Variants in CHST11 observed in about 807,000 individuals in gnomAD.
CHST11 encodes C4S-1.
A neutral mutation model predicts 30.4 loss-of-function variants in CHST11; 9 were observed. The ratio of observed to expected loss-of-function variants is 0.30; its 90% CI spans 0.18 to 0.52. The LOEUF (loss-of-function observed/expected upper bound fraction) is 0.52. CHST11 is among the 20% of genes least tolerant of loss of function. The pLI is 0.97. For missense variants in CHST11, 348 were observed against 460.6 expected, an observed-to-expected ratio of 0.76 and a Z score of 2.24; for synonymous variants, 152 against 187.8, an observed-to-expected ratio of 0.81 and a Z score of 1.56.
intron 1 of CHST11, among the ~76,000 whole-genome samples, chr12:104,592,104 C>T (rs1364824508): frequency 2.0e-5 from 3 of 149,502 alleles, no homozygotes; most frequent in East Asian, 2.0e-4. Flanking sequence ...CCCCTCCCCT[C>T]TTCTCCCCTC....
intron 1 of CHST11, among the ~76,000 whole-genome samples, chr12:104,601,141 C>T (rs1031210947): frequency 6.6e-5 from 10 of 151,872 alleles, no homozygotes; most frequent in African/African-American, 2.4e-4. Flanking sequence ...CTCCTCCCTC[C>T]AACAAATAAT....
intron 1 of CHST11, among the ~76,000 whole-genome samples, chr12:104,546,018 C>T (rs2136005500): frequency 6.6e-6 from 1 of 152,292 alleles, no homozygotes; most frequent in Non-Finnish European, 1.5e-5. Context: ...CCCTCATTAC[C>T]TAATTACCTC....
intron 1 of CHST11, among the ~76,000 whole-genome samples, chr12:104,516,816 G>A (rs2038028591): frequency 6.6e-6 from 1 of 151,910 alleles, no homozygotes; most frequent in Non-Finnish European, 1.5e-5. Flanking sequence ...CACATTAGGA[G>A]AGCCTAGCAG....
intron 1 of CHST11, among the ~76,000 whole-genome samples, chr12:104,472,107 C>A (rs1215777427): frequency 6.7e-6 from 1 of 149,434 alleles, no homozygotes; most frequent in Admixed American, 6.6e-5. Context: ...CAGGTGTGCA[C>A]CATCACACTT....
intron 2 of CHST11, among the ~76,000 whole-genome samples, chr12:104,712,831 A>C (rs934758736): frequency 3.3e-5 from 5 of 152,140 alleles, no homozygotes; most frequent in African/African-American, 1.2e-4. Flanking sequence ...TTATGGGGTG[A>C]TGCCAGTTTG....
chr12:104,537,482 C>T (rs1825602783), intron 1 of CHST11, among the ~76,000 whole-genome samples: 1 of 152,072 alleles, frequency 6.6e-6, no homozygotes, highest in African/African-American at 2.4e-5. Flanking sequence ...AGTGGAATCA[C>T]AGGCAAGTTA....
chr12:104,546,030 C>T (rs1472524597), intron 1 of CHST11, among the ~76,000 whole-genome samples: 1 of 152,136 alleles, frequency 6.6e-6, no homozygotes, highest in Non-Finnish European at 1.5e-5. Flanking sequence ...AATTACCTCC[C>T]ACAGGCTCCA....
intron 1 of CHST11, among the ~76,000 whole-genome samples, chr12:104,557,293 C>T (rs2038466774): frequency 6.6e-6 from 1 of 152,202 alleles, no homozygotes; most frequent in South Asian, 2.1e-4. Context: ...CACCTGGGAA[C>T]AGGGCTCCTT....
chr12:104,554,678 G>C (rs2136011896), intron 1 of CHST11, among the ~76,000 whole-genome samples: 1 of 152,310 alleles, frequency 6.6e-6, no homozygotes, highest in South Asian at 2.1e-4. Context: ...GAGCAGCTCT[G>C]CTTCGATCTG....
chr12:104,569,213 AC>A (rs2038599131), intron 1 of CHST11, among the ~76,000 whole-genome samples: 1 of 152,034 alleles, frequency 6.6e-6, no homozygotes, highest in Non-Finnish European at 1.5e-5. Context: ...AATTTGACAA[AC>A]CTCTCAACTT....
At position 104,729,217 on chromosome 12, in the gene CHST11, G is replaced by A. The variant is rs2040237835; in HGVS notation, c.205-27732G>A. Among the ~76,000 whole-genome samples the A allele has an allele frequency of 6.6e-6, 1 of 152,110 alleles. No homozygotes were observed. The highest frequency in any genetic ancestry group is 1.5e-5 in the Non-Finnish European group (1 of 68,032). ...TGGCCAGAATGACCAACAGACTAGG[G>A]GAGACTGACCTCCTGCCCCACATAC... is the stretch of plus-strand genomic sequence containing the variant. On this transcript the variant is annotated intron_variant, in intron 2 of 2. Coordinates refer to ENST00000303694, the MANE Select transcript of CHST11 (RefSeq NM_018413.6). The surrounding 1 kb of genome is among the most constrained non-coding windows in gnomAD (Gnocchi z 4.0).
intron 1 of CHST11, among the ~76,000 whole-genome samples, chr12:104,497,410 G>A (rs1231650705): frequency 6.6e-6 from 1 of 152,174 alleles, no homozygotes; most frequent in Non-Finnish European, 1.5e-5. Context: ...GGCCCCAGGA[G>A]AAACCAACCC....
At chr12:104,463,907 G>C (rs1052862579) in intron 1 of CHST11, among the ~76,000 whole-genome samples, 1 of 152,106 alleles carries the variant, frequency 6.6e-6, no homozygotes, top group Non-Finnish European at 1.5e-5. Flanking sequence ...ACAGTGGGGA[G>C]AGACAAGTCG....
intron 2 of CHST11, among the ~76,000 whole-genome samples, chr12:104,647,031 C>T (rs2559640): frequency 0.34 from 51,778 of 152,186 alleles, 10,264 homozygotes; most frequent in African/African-American, 0.55. Context: ...TTCTCACATA[C>T]ACTTTTAATG....
chr12:104,468,504 C>G (rs902134052), intron 1 of CHST11, among the ~76,000 whole-genome samples: 2 of 152,160 alleles, frequency 1.3e-5, no homozygotes, highest in Admixed American at 6.5e-5. Context: ...CTCTGAACAT[C>G]TGGGAGGGCT....
Position 104,457,498 on chromosome 12 carries a change from C to A in CHST11, c.87C>A (p.Val29=). ...LATCLGSFIL[V]IFYFQSMLHP... is the part of the protein sequence containing the mutation. ...CTTGCTTGGGATCCTTTATCCTGGTCATCTTCTATTTCCAAAGTATGTTGC... is the reference window on the plus strand; with the variant it reads ...CTTGCTTGGGATCCTTTATCCTGGTAATCTTCTATTTCCAAAGTATGTTGC... The change falls in exon 1 of 3, where the codon GTC becomes GTA. Residue 29 remains valine, a synonymous_variant. Transcript: ENST00000303694. The A allele has an allele frequency of 6.2e-7, 1 of 1,613,866 alleles. No homozygotes were observed. The highest frequency in any genetic ancestry group is 1.3e-5 in the African/African-American group (1 of 75,070).
chr12:104,742,291 C>A (rs2040353439), intron 2 of CHST11, among the ~76,000 whole-genome samples: 1 of 152,084 alleles, frequency 6.6e-6, no homozygotes, highest in Non-Finnish European at 1.5e-5. Context: ...AGGAGGAGAT[C>A]CTGAAGGGAG....
intron 1 of CHST11, among the ~76,000 whole-genome samples, chr12:104,582,586 T>A (rs1301826929): frequency 6.6e-6 from 1 of 152,184 alleles, no homozygotes. Context: ...CTGCACGCCC[T>A]TCTCATGGGG....
At chr12:104,565,376 C>T (rs2136019479) in intron 1 of CHST11, among the ~76,000 whole-genome samples, 1 of 149,906 alleles carries the variant, frequency 6.7e-6, no homozygotes, top group South Asian at 2.1e-4. Context: ...AAGCGATTCT[C>T]CTGCCTCAGC....
Sources: gnomAD v4.1 joint callset for allele counts (sites outside exome capture counted in the v4.1 genomes callset) on GRCh38, gnomAD v4.1.1 for gene constraint, Gnocchi (gnomAD v3.1) non-coding constraint, MANE v1.5 for transcripts, NCBI Gene and HGNC (gene_info 2026-07-23, HGNC 2026-07-21) for gene names.